The following POLA1 variants were observed in gnomAD, a reference collection of about 807,000 sequenced individuals.
POLA1 encodes DNA polymerase alpha 1, catalytic subunit.
In POLA1, 15 loss-of-function variants were observed where a neutral mutation model predicts 124.0. That is an observed-to-expected ratio of 0.12 (90% CI 0.08 to 0.19). The LOEUF (loss-of-function observed/expected upper bound fraction) is 0.19, where lower values mean the gene tolerates loss of function less well. POLA1 is among the 10% of genes least tolerant of loss of function. The pLI, the probability that POLA1 is intolerant of heterozygous loss-of-function variation, is 1.00. For synonymous variants in POLA1, 408 were observed against 389.4 expected (o/e 1.05, Z -0.56); for missense variants, 886 against 1,103.4 (o/e 0.80, Z 2.79).
intron 35 of POLA1, among the ~76,000 whole-genome samples, chrX:24,902,411 G>A (rs1220398791): frequency 2.7e-5 from 3 of 111,812 alleles, no homozygotes; most frequent in Admixed American, 9.5e-5. Context: ...TATGAAAACA[G>A]CCTTAGGAGG....
chrX:24,718,197 A>G (rs1929975967), intron 10 of POLA1, among the ~76,000 whole-genome samples: 1 of 112,231 alleles, frequency 8.9e-6, no homozygotes, highest in Non-Finnish European at 1.9e-5. Context: ...TGTGCTAGGC[A>G]CTGAGATGGG....
chrX:24,741,529 A>G (rs774243506), intron 21 of POLA1, 25 bp downstream of exon 21: 2 of 1,179,784 alleles, frequency 1.7e-6, no homozygotes, highest in African/African-American at 1.7e-5. Flanking sequence ...GAAAGGGGGA[A>G]AAAGCATTTC....
intron 27 of POLA1, among the ~76,000 whole-genome samples, chrX:24,810,243 C>T (rs1054708785): frequency 1.8e-5 from 2 of 111,093 alleles, no homozygotes; most frequent in African/African-American, 6.5e-5. Flanking sequence ...TGGCACTCTT[C>T]GTGTTCTACT....
In POLA1 at chrX:24,846,306, T is replaced by C. The variant is rs745947227; in HGVS notation, c.4047+2629T>C. ...CTAGTTTCCTATAACATTTAAACTT[T>C]GATATACATAGAAATACAGAAAGCA... On this transcript the variant is annotated intron_variant, in intron 34 of 36. Coordinates refer to ENST00000379068, the MANE Select transcript of POLA1 (RefSeq NM_001330360.2). 8.5e-4 allele frequency among the ~76,000 whole-genome samples: 95 copies of C among 111,548 alleles called. 1 individual carries two copies. Among genetic ancestry groups the C allele is most frequent in the African/African-American group, 3.0e-3 (91 of 30,788 alleles).
At chrX:24,752,059 G>A (rs1932351610) in intron 26 of POLA1, among the ~76,000 whole-genome samples, 2 of 111,772 alleles carry the variant, frequency 1.8e-5, no homozygotes, top group South Asian at 7.5e-4. Flanking sequence ...AGCCTAGGGA[G>A]GCCTTGAAGC....
intron 26 of POLA1, among the ~76,000 whole-genome samples, chrX:24,796,258 A>C (rs1358318001): frequency 2.7e-5 from 3 of 111,450 alleles, no homozygotes; most frequent in Non-Finnish European, 5.7e-5. Flanking sequence ...CACAGCTTGT[A>C]GTTTTGGTTG....
At chrX:24,844,144 AC>A (rs2046444850) in intron 34 of POLA1, among the ~76,000 whole-genome samples, 1 of 111,334 alleles carries the variant, frequency 9.0e-6, no homozygotes, top group South Asian at 3.7e-4. Context: ...ACGACTCCAT[AC>A]CCTAGTTTTT....
intron 34 of POLA1, among the ~76,000 whole-genome samples, chrX:24,852,825 T>A (rs1442342202): frequency 9.0e-6 from 1 of 111,622 alleles, no homozygotes; most frequent in Non-Finnish European, 1.9e-5. Context: ...GTTTCTTGGC[T>A]GTTTGAGGAG....
At chrX:24,709,991 G>A (rs1398391036) in intron 4 of POLA1, among the ~76,000 whole-genome samples, 2 of 95,667 alleles carry the variant, frequency 2.1e-5, no homozygotes, top group Admixed American at 1.1e-4. Flanking sequence ...ACGGGGTGGC[G>A]GCCGGGCAGA....
chrX:24,801,920 GGTGGGTGTGTGTGTGT>G (rs1303238872), intron 26 of POLA1, among the ~76,000 whole-genome samples: 19 of 47,519 alleles, frequency 4.0e-4, no homozygotes, highest in Middle Eastern at 0.024. Context: ...AGGAGAGGTG[GGTGGGTGTGTGTGTGT>G]GTGTGTGTGT....
chrX:24,715,502 GCC>G (rs1929766466), intron 6 of POLA1, among the ~76,000 whole-genome samples: 1 of 111,279 alleles, frequency 9.0e-6, no homozygotes, highest in Non-Finnish European at 1.9e-5. Context: ...CACTATGTTG[GCC>G]AGGCTGGTCT....
chrX:24,911,576 G>A (rs1298844484), intron 35 of POLA1, among the ~76,000 whole-genome samples: 2 of 110,307 alleles, frequency 1.8e-5, no homozygotes, highest in Non-Finnish European at 1.9e-5. Context: ...AAAAGCCAAA[G>A]CAAGCAGAGG....
At chrX:24,732,881 T>C in intron 16 of POLA1, among the ~76,000 whole-genome samples, 1 of 111,799 alleles carries the variant, frequency 8.9e-6, no homozygotes, top group East Asian at 2.8e-4. Flanking sequence ...GGAGGAGTTA[T>C]AGTAATAAGA....
intron 34 of POLA1, among the ~76,000 whole-genome samples, chrX:24,862,978 A>AT (rs2046737977): frequency 8.9e-6 from 1 of 111,969 alleles, no homozygotes; most frequent in African/African-American, 3.2e-5. Flanking sequence ...AAACATTCAC[A>AT]TTTTCCTTCT....
chrX:24,803,480 G>A (rs1379549297), intron 26 of POLA1, among the ~76,000 whole-genome samples: 1 of 110,777 alleles, frequency 9.0e-6, no homozygotes, highest in Non-Finnish European at 1.9e-5. Context: ...ATATACCCCC[G>A]AAGTGTGGAA....
chrX:24,771,078 T>C (rs949697800), intron 26 of POLA1, among the ~76,000 whole-genome samples: 2 of 111,558 alleles, frequency 1.8e-5, no homozygotes, highest in African/African-American at 6.5e-5. Context: ...CAGCCCAGAA[T>C]GCTGAAGGTT....
Position 24,860,931 on chromosome X carries a change from C to T in POLA1, c.4047+17254C>T, listed in dbSNP as rs1038434207. 4.5e-5 allele frequency among the ~76,000 whole-genome samples: 5 copies of T among 111,732 alleles called. No homozygotes were observed. In the Admixed American group the frequency reaches 4.7e-4, roughly 11 times the overall value. On this transcript the variant is annotated intron_variant, in intron 34 of 36. Coordinates refer to ENST00000379068, the MANE Select transcript of POLA1 (RefSeq NM_001330360.2). Reference sequence around the variant, plus strand: ...CCTCCCCTTTCAGAATCCTAACACCCTGTCCCCACCACCACTCTCTCAGTG... The same window carrying T: ...CCTCCCCTTTCAGAATCCTAACACCTTGTCCCCACCACCACTCTCTCAGTG...
At chrX:24,974,282 G>A (rs763443755) in intron 36 of POLA1, among the ~76,000 whole-genome samples, 4 of 111,378 alleles carry the variant, frequency 3.6e-5, no homozygotes, top group Non-Finnish European at 5.6e-5. Flanking sequence ...TGCTGCTGGC[G>A]TCTAGTGGGT....
At chrX:24,872,707 G>A (rs1317042903) in intron 34 of POLA1, among the ~76,000 whole-genome samples, 2 of 111,306 alleles carry the variant, frequency 1.8e-5, no homozygotes, top group African/African-American at 6.5e-5. Context: ...TTTTTAAAAG[G>A]GGGTAGTTCA....
Sources: gnomAD v4.1 joint callset for allele counts (sites outside exome capture counted in the v4.1 genomes callset) on GRCh38, gnomAD v4.1.1 for gene constraint, MANE v1.5 for transcripts, NCBI Gene and HGNC (gene_info 2026-07-23, HGNC 2026-07-21) for gene names.